ROBO2: variants seen among roughly 807,000 people sequenced by gnomAD.
The protein encoded by ROBO2 is roundabout homolog 2.
A neutral mutation model predicts 160.8 loss-of-function variants in ROBO2; 53 were observed. That is an observed-to-expected ratio of 0.33 (90% confidence interval 0.26 to 0.41). The LOEUF (loss-of-function observed/expected upper bound fraction) is 0.41, where lower values mean the gene tolerates loss of function less well. ROBO2 is among the 10% of genes least tolerant of loss of function. The pLI is 1.00. For missense variants in ROBO2, 1,577 were observed against 1,722.4 expected, an observed-to-expected ratio of 0.92 and a Z score of 1.49; for synonymous variants, 664 against 611.7, an observed-to-expected ratio of 1.09 and a Z score of -1.26.
intron 2 of ROBO2, among the ~76,000 whole-genome samples, chr3:76,145,902 AT>A (rs2071868424): frequency 6.6e-6 from 1 of 151,938 alleles, no homozygotes; most frequent in South Asian, 2.1e-4. Context: ...TAAACTTTGC[AT>A]TTTTGCATCT....
chr3:77,376,258 G>A (rs939601240), intron 2 of ROBO2, among the ~76,000 whole-genome samples: 3 of 146,120 alleles, frequency 2.1e-5, no homozygotes, highest in Middle Eastern at 3.2e-3. Context: ...AGGTTCAAGC[G>A]ATTCTCCTGC....
chr3:77,348,076 G>T (rs2067873385), intron 2 of ROBO2, among the ~76,000 whole-genome samples: 2 of 152,150 alleles, frequency 1.3e-5, no homozygotes. Flanking sequence ...TTCCTGTGGT[G>T]AGAAAAGCTT....
chr3:76,250,474 T>A lies in ROBO2; in HGVS notation c.109+312872T>A, dbSNP rs545005799. On this transcript the variant is annotated intron_variant, in intron 2 of 26. Coordinates refer to the ROBO2 transcript ENST00000487694. ...TCTATCATATTTTAGGGAAGTGTTG[T>A]CCGTGCATAAGTAGTTAATCGTTTT... Among the ~76,000 whole-genome samples, 166 of 152,202 alleles carry A rather than the reference T, an allele frequency of 1.1e-3. 1 individual carries two copies. The highest frequency in any genetic ancestry group is 2.3e-3 in the South Asian group (11 of 4,826).
intron 2 of ROBO2, among the ~76,000 whole-genome samples, chr3:76,602,442 AAAG>A (rs1268704761): frequency 5.3e-5 from 8 of 152,346 alleles, no homozygotes; most frequent in African/African-American, 1.9e-4. Context: ...GTAATTTACA[AAAG>A]AAGAGGTTTA....
intron 2 of ROBO2, among the ~76,000 whole-genome samples, chr3:76,056,430 G>GT (rs2067848603): frequency 1.3e-5 from 2 of 151,536 alleles, no homozygotes; most frequent in Non-Finnish European, 2.9e-5. Flanking sequence ...AAAATGGTGC[G>GT]TTTTTAAAAG....
intron 2 of ROBO2, among the ~76,000 whole-genome samples, chr3:76,601,947 G>A (rs1318499607): frequency 6.6e-6 from 1 of 152,140 alleles, no homozygotes; most frequent in Non-Finnish European, 1.5e-5. Context: ...TCTGTTGAAT[G>A]CTTGGCTGCT....
intron 2 of ROBO2, among the ~76,000 whole-genome samples, chr3:76,621,360 C>T (rs1240749847): frequency 1.3e-5 from 2 of 152,196 alleles, no homozygotes; most frequent in Non-Finnish European, 2.9e-5. Context: ...GCTATACATT[C>T]AGTGCATAAC....
chr3:76,213,603 ATTTCT>A (rs1703293585), intron 2 of ROBO2, among the ~76,000 whole-genome samples: 2 of 152,156 alleles, frequency 1.3e-5, no homozygotes, highest in African/African-American at 2.4e-5. Context: ...GTACTAAGAG[ATTTCT>A]TTAATTTATA....
chr3:76,934,958 A>ATTTTTTTTTTTTT (rs151316771), intron 2 of ROBO2, among the ~76,000 whole-genome samples: 8 of 146,730 alleles, frequency 5.5e-5, no homozygotes, highest in Admixed American at 6.7e-5. Context: ...AGGCTTCACA[A>ATTTTTTTTTTTTT]ATTTTTTTTT....
At chr3:76,585,438 A>G (rs942464994) in intron 2 of ROBO2, among the ~76,000 whole-genome samples, 1 of 152,182 alleles carries the variant, frequency 6.6e-6, no homozygotes, top group South Asian at 2.1e-4. Flanking sequence ...TTTAGCCAGA[A>G]ACAGAATCAC....
At chr3:76,959,005 C>T (rs1005066205) in intron 2 of ROBO2, among the ~76,000 whole-genome samples, 1 of 152,164 alleles carries the variant, frequency 6.6e-6, no homozygotes, top group Admixed American at 6.5e-5. Flanking sequence ...TAGGAAGATA[C>T]ATCTTCTGAA....
intron 2 of ROBO2, among the ~76,000 whole-genome samples, chr3:76,428,035 C>T (rs957467508): frequency 6.6e-6 from 1 of 152,082 alleles, no homozygotes; most frequent in African/African-American, 2.4e-5. Context: ...AAATATATAA[C>T]TAGTTTTAAT....
chr3:76,588,869 T>C (rs921672484), intron 2 of ROBO2, among the ~76,000 whole-genome samples: 2 of 152,244 alleles, frequency 1.3e-5, no homozygotes, highest in African/African-American at 4.8e-5. Context: ...TTGTTGTCTT[T>C]GTGATCATTT....
chr3:77,326,598 C>A (rs1333634785), intron 2 of ROBO2, among the ~76,000 whole-genome samples: 1 of 152,050 alleles, frequency 6.6e-6, no homozygotes, highest in Non-Finnish European at 1.5e-5. Context: ...AATTTAATTT[C>A]TAGAATGTGT....
chr3:76,318,187 T>C (rs1427443777), intron 2 of ROBO2, among the ~76,000 whole-genome samples: 1 of 152,092 alleles, frequency 6.6e-6, no homozygotes, highest in East Asian at 1.9e-4. Context: ...AGTAGGTATA[T>C]TAAAAAAGCT....
intron 2 of ROBO2, among the ~76,000 whole-genome samples, chr3:76,265,391 T>A (rs917831769): frequency 2.0e-5 from 3 of 152,308 alleles, no homozygotes; most frequent in African/African-American, 7.2e-5. Context: ...TATAAAAGTA[T>A]CTTCAACTAG....
At chr3:76,974,862 A>G (rs1047503967) in intron 2 of ROBO2, among the ~76,000 whole-genome samples, 3 of 152,180 alleles carry the variant, frequency 2.0e-5, no homozygotes, top group Non-Finnish European at 4.4e-5. Context: ...TCAAAAAAGC[A>G]AAAGTAGTAA....
At chr3:76,327,905 G>A (rs1191596857) in intron 2 of ROBO2, among the ~76,000 whole-genome samples, 8 of 152,086 alleles carry the variant, frequency 5.3e-5, no homozygotes, top group Non-Finnish European at 2.9e-5. Context: ...TCTGGATAAT[G>A]GGGAAGATCA....
chr3:76,777,588 C>T (rs1224497066), intron 2 of ROBO2, among the ~76,000 whole-genome samples: 1 of 149,676 alleles, frequency 6.7e-6, no homozygotes, highest in East Asian at 2.0e-4. Flanking sequence ...TTTTCTATAC[C>T]TTTGCCTTTC....
Sources: allele counts gnomAD v4.1 joint callset (sites outside exome capture counted in the v4.1 genomes callset), GRCh38; gene constraint gnomAD v4.1.1; transcripts MANE v1.5; gene names NCBI Gene and HGNC (gene_info 2026-07-23, HGNC 2026-07-21).